Variants in BTNL8 observed in about 807,000 individuals in gnomAD.
The protein encoded by BTNL8 is butyrophilin like 8.
A neutral mutation model predicts 36.1 loss-of-function variants in BTNL8; 22 were observed. The observed-to-expected ratio is 0.61, with a 90% CI of 0.44 to 0.87. The LOEUF (loss-of-function observed/expected upper bound fraction) is 0.87. BTNL8 is among the 40% of genes least tolerant of loss of function. The pLI, the probability that BTNL8 is intolerant of heterozygous loss-of-function variation, is 0.00. For missense variants in BTNL8, 526 were observed against 616.9 expected, an observed-to-expected ratio of 0.85 and a Z score of 1.56; for synonymous variants, 203 against 235.6, an observed-to-expected ratio of 0.86 and a Z score of 1.27.
rs1322989540 is a variant in BTNL8, at chr5:180,947,588, C to T, written c.750C>T (p.Gly250=). The T allele has an allele frequency of 8.7e-6, 14 of 1,614,012 alleles. No individual in the cohort carries two copies. The highest frequency in any genetic ancestry group is 1.2e-5 in the Non-Finnish European group (14 of 1,180,020). Residue 250 remains glycine (G), a synonymous_variant, in exon 4 of 8, where the codon GGC becomes GGT. Transcript: ENST00000340184. ...LGILCCGLFF[G]IVGLKIFFSK... ...TACTCTGCTGTGGCCTATTTTTTGG[C>T]ATTGTTGGACTGAAGATTTTCTTCT...
intron 3 of BTNL8, among the ~76,000 whole-genome samples, chr5:180,932,247 C>T (rs901221039): frequency 6.6e-6 from 1 of 152,152 alleles, no homozygotes; most frequent in Non-Finnish European, 1.5e-5. Flanking sequence ...AGGAGAAATA[C>T]GTAATGTAGA....
intron 1 of BTNL8, among the ~76,000 whole-genome samples, chr5:180,907,231 CT>C (rs1476177418): frequency 8.2e-6 from 1 of 122,324 alleles, no homozygotes; most frequent in South Asian, 2.2e-4. Context: ...TCTTTTTATT[CT>C]TTTTTTTCTA....
At chr5:180,947,437 GT>G (rs1471594338) in intron 3 of BTNL8, 74 bp from the exon 4 acceptor site, 1 of 1,546,930 alleles carries the variant, frequency 6.5e-7, no homozygotes, top group Non-Finnish European at 8.9e-7. Context: ...GGGGAACAAG[GT>G]GACTCCTTAA....
intron 3 of BTNL8, among the ~76,000 whole-genome samples, chr5:180,919,639 G>T (rs1160215762): frequency 6.6e-6 from 1 of 152,166 alleles, no homozygotes; most frequent in Non-Finnish European, 1.5e-5. Flanking sequence ...GACATGACAC[G>T]TAGTGAGCCC....
At chr5:180,936,702 G>A (rs1344802529) in intron 3 of BTNL8, among the ~76,000 whole-genome samples, 3 of 152,162 alleles carry the variant, frequency 2.0e-5, no homozygotes, top group South Asian at 2.1e-4. Context: ...AATTGTGGAC[G>A]AACACAGCTG....
At chr5:180,899,385 TACTA>T (rs755536249) in intron 1 of BTNL8, 26 bp downstream of exon 1, 316 of 1,602,332 alleles carry the variant, frequency 2.0e-4, no homozygotes, top group African/African-American at 3.7e-4. Context: ...GTTTCCTCCT[TACTA>T]ACTAACAGTT....
At chr5:180,931,363 A>G (rs1269725034) in intron 3 of BTNL8, among the ~76,000 whole-genome samples, 1 of 152,218 alleles carries the variant, frequency 6.6e-6, no homozygotes, top group East Asian at 1.9e-4. Flanking sequence ...ACCCTAGAAG[A>G]AAACCTAGGG....
chr5:180,907,210 C>T (rs541083674), intron 1 of BTNL8, among the ~76,000 whole-genome samples: 1 of 122,046 alleles, frequency 8.2e-6, no homozygotes, highest in South Asian at 2.2e-4. Context: ...TTCTTGGAGG[C>T]TTTGCTCATT....
At chr5:180,948,702 T>G (rs1216303016) in intron 5 of BTNL8, 8 of 556,800 alleles carry the variant, frequency 1.4e-5, no homozygotes, top group Non-Finnish European at 2.5e-5. Flanking sequence ...TGAGAAAAAT[T>G]TGTGGGTGAT....
intron 3 of BTNL8, among the ~76,000 whole-genome samples, chr5:180,940,839 G>A (rs1221385003): frequency 6.6e-6 from 1 of 152,114 alleles, no homozygotes; most frequent in Non-Finnish European, 1.5e-5. Flanking sequence ...GCCAAGGCAG[G>A]CAAATCACTT....
chr5:180,949,284 G>A lies in BTNL8; in HGVS notation c.862+19G>A. On this transcript the variant is annotated intron_variant, in intron 7 of 7. Transcript: ENST00000340184. Reference sequence around the variant, plus strand: ...CACGCAGGTACCAACGCCTGAGAGGGTGACAGTGGGACAGAATCTCAGGTG... The same window carrying A: ...CACGCAGGTACCAACGCCTGAGAGGATGACAGTGGGACAGAATCTCAGGTG... 1 of 1,461,462 alleles carries A rather than the reference G, an allele frequency of 6.8e-7. No homozygotes were observed. The highest frequency in any genetic ancestry group is 9.4e-7 in the Non-Finnish European group (1 of 1,058,320). The allele number at this position is 1,461,462 out of a possible 1,614,324, so 90.5% of individuals were successfully genotyped here.
At chr5:180,915,675 A>G (rs145318135) in intron 3 of BTNL8, among the ~76,000 whole-genome samples, 2 of 152,354 alleles carry the variant, frequency 1.3e-5, no homozygotes, top group African/African-American at 4.8e-5. Context: ...TTCACAGCAC[A>G]TTAAAAGATT....
chr5:180,929,524 A>G (rs1045754829), intron 3 of BTNL8, among the ~76,000 whole-genome samples: 1 of 151,192 alleles, frequency 6.6e-6, no homozygotes, highest in African/African-American at 2.5e-5. Context: ...TGAATCCAGG[A>G]GGTGGTTTTT....
rs150848217 is a variant in BTNL8, at chr5:180,909,089, T to C, written c.397+156T>C. On this transcript the variant is annotated intron_variant, in intron 2 of 7. Coordinates refer to ENST00000340184, the MANE Select transcript of BTNL8 (RefSeq NM_001040462.3). ...CTTCTGTCTTGTGTGTATAGTTCTATGTGTTTTGTCACATGTTTAAATTCA... is the reference window on the plus strand; with the variant it reads ...CTTCTGTCTTGTGTGTATAGTTCTACGTGTTTTGTCACATGTTTAAATTCA... 3.8e-3 allele frequency among the ~76,000 whole-genome samples: 575 copies of C among 152,324 alleles called. 7 individuals are homozygous for C. Among genetic ancestry groups the C allele is most frequent in the African/African-American group, 0.013 (558 of 41,584 alleles).
At chr5:180,908,050 G>C (rs1386822052) in intron 1 of BTNL8, among the ~76,000 whole-genome samples, 1 of 152,078 alleles carries the variant, frequency 6.6e-6, no homozygotes, top group Non-Finnish European at 1.5e-5. Flanking sequence ...GCTCCACCCA[G>C]TTGGAGCTGC....
intron 3 of BTNL8, among the ~76,000 whole-genome samples, chr5:180,934,421 G>A (rs568158870): frequency 1.3e-5 from 2 of 152,324 alleles, no homozygotes; most frequent in African/African-American, 2.4e-5. Flanking sequence ...TGCCCCCTTG[G>A]CCTTGCAGGC....
At chr5:180,908,119 GC>G (rs1561927974) in intron 1 of BTNL8, among the ~76,000 whole-genome samples, 3 of 152,230 alleles carry the variant, frequency 2.0e-5, no homozygotes, top group East Asian at 3.9e-4. Flanking sequence ...CCTCGCTGCT[GC>G]CTTGCAGTTT....
chr5:180,904,555 G>A (rs1756993113), intron 1 of BTNL8, among the ~76,000 whole-genome samples: 3 of 134,894 alleles, frequency 2.2e-5, no homozygotes, highest in African/African-American at 5.9e-5. Context: ...AGAACTTCCA[G>A]CACTATGTTG....
chr5:180,925,879 T>G (rs6601154), intron 3 of BTNL8, among the ~76,000 whole-genome samples: 68,361 of 152,072 alleles, frequency 0.45, 16,451 homozygotes, highest in African/African-American at 0.63. Context: ...CATGTAAATT[T>G]TGACATCAAA....
Sources: allele counts gnomAD v4.1 joint callset (sites outside exome capture counted in the v4.1 genomes callset), GRCh38; gene constraint gnomAD v4.1.1; transcripts MANE v1.5; gene names NCBI Gene and HGNC (gene_info 2026-07-23, HGNC 2026-07-21).